Variants in ATRN observed in about 807,000 individuals in gnomAD.
ATRN encodes attractin.
Under a neutral mutation model 178.7 loss-of-function variants are expected in ATRN, and 54 were observed. That is an observed-to-expected ratio of 0.30 (90% CI 0.24 to 0.38). ATRN has a LOEUF of 0.38. ATRN is among the 10% of genes least tolerant of loss of function. The pLI, the probability that ATRN is intolerant of heterozygous loss-of-function variation, is 1.00. For missense variants in ATRN, 1,443 were observed against 1,815.1 expected (o/e 0.79, Z 3.73); for synonymous variants, 636 against 663.0 (o/e 0.96, Z 0.63).
intron 1 of ATRN, among the ~76,000 whole-genome samples, chr20:3,520,663 T>A (rs1438575215): frequency 6.6e-6 from 1 of 151,960 alleles, no homozygotes; most frequent in Admixed American, 6.6e-5. Context: ...CCCAGATAAT[T>A]TTTTGGTAGT....
In ATRN at chr20:3,559,384, G is replaced by C; in HGVS notation, c.1113-9G>C. On this transcript the variant is annotated splice_polypyrimidine_tract_variant and intron_variant, in intron 6 of 28. Coordinates refer to ENST00000262919, the MANE Select transcript of ATRN (RefSeq NM_139321.3). ...AGTTGGGTGAAAATATGATCTGTTTGTTTTGTAGGTATGACCTTGCTTCTA... is the reference window on the plus strand; with the variant it reads ...AGTTGGGTGAAAATATGATCTGTTTCTTTTGTAGGTATGACCTTGCTTCTA... 6.3e-7 allele frequency: 1 copy of C among 1,598,264 alleles called. No homozygotes were observed.
At chr20:3,634,184 A>G (rs765789412) in intron 25 of ATRN, 127 bp from the exon 26 acceptor site, 33 of 732,666 alleles carry the variant, frequency 4.5e-5, no homozygotes, top group Non-Finnish European at 6.9e-5. Context: ...TGTTGTGACA[A>G]AGCATCAGAA....
In ATRN at chr20:3,648,046, T is replaced by C. The variant is rs1280259967; in HGVS notation, c.*1199T>C. The C allele has an allele frequency of 6.6e-6, 1 of 152,212 alleles. No homozygotes were observed. Among genetic ancestry groups the C allele is most frequent in the African/African-American group, 2.4e-5 (1 of 41,428 alleles). 9.4% of individuals were successfully genotyped at this position (152,212 alleles called of 1,614,324 possible). On this transcript the variant is annotated 3_prime_UTR_variant, in exon 29 of 29. Transcript: ENST00000262919. ...AGCATCTGTGTGTCCTGCAGCCTCCTCTGAACTTGTGGTTCATTCTCAGGC... is the reference window on the plus strand; with the variant it reads ...AGCATCTGTGTGTCCTGCAGCCTCCCCTGAACTTGTGGTTCATTCTCAGGC...
In ATRN at chr20:3,492,835, G is replaced by GGAGA. The variant is rs548451784; in HGVS notation, c.410+21334_410+21337dup. The stretch of plus-strand genomic sequence containing the variant: ...TCCAGAGAGAGAGAGAAATAGAAAG[G>GGAGA]GAGAGAGAGAGAGAGAGAGGCGCGC... On this transcript the variant is annotated intron_variant, in intron 1 of 28. Coordinates refer to ENST00000262919, the MANE Select transcript of ATRN (RefSeq NM_139321.3). 3.2e-4 allele frequency among the ~76,000 whole-genome samples: 42 copies of GGAGA among 132,680 alleles called. 1 individual carries two copies. Among genetic ancestry groups the GGAGA allele is most frequent in the Non-Finnish European group, 7.9e-5 (5 of 63,252 alleles). The allele number at this position is 132,680 out of a possible 152,430, so 87.0% of individuals were successfully genotyped here. A position where few individuals can be genotyped will look rare whatever the true frequency, so the allele number is the denominator to read the frequency against.
intron 19 of ATRN, among the ~76,000 whole-genome samples, chr20:3,593,584 A>C (rs919542913): frequency 6.6e-6 from 1 of 152,106 alleles, no homozygotes; most frequent in Non-Finnish European, 1.5e-5. Context: ...TTCACTATAC[A>C]TTACACACCT....
Position 3,632,050 on chromosome 20 carries a change from CAA to C in ATRN, c.3864-2259_3864-2258del, listed in dbSNP as rs983675186. 9.9e-5 allele frequency among the ~76,000 whole-genome samples: 15 copies of C among 152,230 alleles called. No individual in the cohort carries two copies. In the East Asian group the frequency reaches 2.9e-3, roughly 29 times the overall value. ...ATACCATATATATCCTTATGCCTTC[CAA>C]ATGCCATGCCCAGCCCAGACCTGGC... On this transcript the variant is annotated intron_variant, in intron 25 of 28. Transcript: ENST00000262919. The surrounding 1 kb of genome is among the most constrained non-coding windows in gnomAD (Gnocchi z 4.2).
chr20:3,592,950 G>A (rs938739619), intron 19 of ATRN, among the ~76,000 whole-genome samples: 1 of 152,214 alleles, frequency 6.6e-6, no homozygotes, highest in East Asian at 1.9e-4. Flanking sequence ...CACTCTTTGT[G>A]AATAGACTTA....
At chr20:3,532,710 G>A (rs1009591184) in intron 1 of ATRN, among the ~76,000 whole-genome samples, 1 of 152,048 alleles carries the variant, frequency 6.6e-6, no homozygotes, top group Non-Finnish European at 1.5e-5. Flanking sequence ...GAACTGTGGG[G>A]GCAGGATTGC....
rs1320189109 is a variant in ATRN, at chr20:3,471,249, C to T, written c.142C>T (p.Arg48Cys). The T allele has an allele frequency of 6.9e-7, 1 of 1,443,690 alleles. No homozygotes were observed. The highest frequency in any genetic ancestry group is 9.0e-7 in the Non-Finnish European group (1 of 1,108,396). The allele number at this position is 1,443,690 out of a possible 1,614,324, so 89.4% of individuals were successfully genotyped here. Reference sequence around the variant, plus strand: ...GAGGCCGGGGCTGGGGGCCGGGCTGCGCCTCCCGCGGCTGCTGTCTCCACC... The same window carrying T: ...GAGGCCGGGGCTGGGGGCCGGGCTGTGCCTCCCGCGGCTGCTGTCTCCACC... ...AGRPGLGAGL[R>C]LPRLLSPPLR... is the part of the protein sequence containing the mutation. The change falls in exon 1 of 29, where the codon CGC (arginine) becomes TGC (cysteine). Residue 48 changes from arginine to cysteine, a missense_variant. Arg to Cys is a radical substitution (Grantham distance 180). Transcript: ENST00000262919.
intron 23 of ATRN, among the ~76,000 whole-genome samples, chr20:3,603,379 A>G (rs2086637864): frequency 6.6e-6 from 1 of 152,198 alleles, no homozygotes; most frequent in African/African-American, 2.4e-5. Flanking sequence ...GTGCTTGTTA[A>G]TAGGATTCTA....
intron 1 of ATRN, among the ~76,000 whole-genome samples, chr20:3,521,844 G>A (rs1230579367): frequency 6.6e-6 from 1 of 152,138 alleles, no homozygotes; most frequent in Non-Finnish European, 1.5e-5. Context: ...CTGAAGTGTT[G>A]GGATTGTAGC....
chr20:3,483,203 G>A (rs1219319779), intron 1 of ATRN, among the ~76,000 whole-genome samples: 1 of 152,146 alleles, frequency 6.6e-6, no homozygotes, highest in South Asian at 2.1e-4. Flanking sequence ...GATGAGATAT[G>A]CTGGAGATTT....
At chr20:3,537,709 T>C (rs1175746313) in intron 2 of ATRN, among the ~76,000 whole-genome samples, 2 of 149,276 alleles carry the variant, frequency 1.3e-5, no homozygotes, top group African/African-American at 4.9e-5. Context: ...CCCCTTCCTA[T>C]GTCCAAGTGT....
chr20:3,611,943 A>T (rs1045835310), intron 24 of ATRN, among the ~76,000 whole-genome samples: 3 of 152,222 alleles, frequency 2.0e-5, no homozygotes, highest in African/African-American at 7.2e-5. Flanking sequence ...TGTTTCTTAA[A>T]AAACTAATGT....
chr20:3,643,253 T>C (rs933635195), intron 27 of ATRN, among the ~76,000 whole-genome samples: 1 of 152,174 alleles, frequency 6.6e-6, no homozygotes, highest in Admixed American at 6.5e-5. Flanking sequence ...ATGGAAGACA[T>C]GAACAGACCT....
chr20:3,638,353 A>G lies in ATRN; in HGVS notation c.3943-475A>G, dbSNP rs780688607. ...TGTGTCCATGTGTTCTCATGGTTCA[A>G]CTCCCACTTAAGAGTGAGGACATGG... On this transcript the variant is annotated intron_variant, in intron 26 of 28. Transcript: ENST00000262919. This position sits in a 1 kb window ranked among gnomAD's most constrained non-coding sequence, Gnocchi z 4.5. Among the ~76,000 whole-genome samples, 2 of 151,760 alleles carry G rather than the reference A, an allele frequency of 1.3e-5. No homozygotes were observed. The highest frequency in any genetic ancestry group is 2.9e-5 in the Non-Finnish European group (2 of 67,954).
At chr20:3,490,898 A>G in intron 1 of ATRN, 1 of 1,087,462 alleles carries the variant, frequency 9.2e-7, no homozygotes, top group Non-Finnish European at 1.4e-6. Context: ...GAGTGCGGTG[A>G]TCAGAATTGA....
chr20:3,471,958 C>G (rs1330687433), intron 1 of ATRN, among the ~76,000 whole-genome samples: 1 of 152,084 alleles, frequency 6.6e-6, no homozygotes, highest in Non-Finnish European at 1.5e-5. Context: ...GTGGGGTGCT[C>G]TGAAGAAACA....
chr20:3,577,027 G>C (rs1224048624), intron 14 of ATRN, 30 bp downstream of exon 14: 1 of 1,610,678 alleles, frequency 6.2e-7, no homozygotes, highest in Non-Finnish European at 8.5e-7. Context: ...CTTGGTGTGT[G>C]TGGGTCCATT....
Sources: allele counts gnomAD v4.1 joint callset (sites outside exome capture counted in the v4.1 genomes callset), GRCh38; gene constraint gnomAD v4.1.1; non-coding constraint Gnocchi (gnomAD v3.1); transcripts MANE v1.5; gene names NCBI Gene and HGNC (gene_info 2026-07-23, HGNC 2026-07-21).